Variants in HPGD observed in about 807,000 individuals in gnomAD.
HPGD encodes 15-hydroxyprostaglandin dehydrogenase.
HPGD carries 29 observed loss-of-function variants against 30.0 expected under a neutral mutation model. The ratio of observed to expected loss-of-function variants is 0.97; its 90% CI spans 0.72 to 1.32. The LOEUF (loss-of-function observed/expected upper bound fraction) is 1.32, where lower values mean the gene tolerates loss of function less well. Ranked by LOEUF, HPGD falls within the 40% of genes most tolerant of loss-of-function variation. The pLI, the probability that HPGD is intolerant of heterozygous loss-of-function variation, is 0.00. For synonymous variants in HPGD, 99 were observed against 112.4 expected, an observed-to-expected ratio of 0.88 and a Z score of 0.75; for missense variants, 340 against 322.1, an observed-to-expected ratio of 1.06 and a Z score of -0.43.
In HPGD at chr4:174,492,168, G is replaced by T; in HGVS notation, c.663-74C>A. 7.2e-7 allele frequency: 1 copy of T among 1,382,318 alleles called. No homozygotes were observed. The highest frequency in any genetic ancestry group is 1.0e-6 in the Non-Finnish European group (1 of 978,430). The allele number at this position is 1,382,318 out of a possible 1,614,324, so 85.6% of individuals were successfully genotyped here. A position where few individuals can be genotyped will look rare whatever the true frequency, so the allele number is the denominator to read the frequency against. ...ACCACTTCATTTTAAGTTATTTTCT[G>T]AAGAATCTATTAAGTTGAACATGTT... On this transcript the variant is annotated intron_variant, in intron 6 of 6. Transcript: ENST00000296522. This position sits in a 1 kb window ranked among gnomAD's most constrained non-coding sequence, Gnocchi z 4.9.
In HPGD at chr4:174,494,690, C is replaced by G. The variant is rs1331295076; in HGVS notation, c.498+858G>C. On this transcript the variant is annotated intron_variant, in intron 5 of 6. Coordinates refer to ENST00000296522, the MANE Select transcript of HPGD (RefSeq NM_000860.6). The surrounding 1 kb of genome is among the most constrained non-coding windows in gnomAD (Gnocchi z 4.9). ...TACTAATATTTTTCTCTTCATCTCT[C>G]TAGCTGCTCTCTTTGTCTCACCTAG... Among the ~76,000 whole-genome samples, 1 of 152,224 alleles carries G rather than the reference C, an allele frequency of 6.6e-6. No homozygotes were observed. The highest frequency in any genetic ancestry group is 1.5e-5 in the Non-Finnish European group (1 of 68,036).
At chr4:174,495,336 A>G in intron 5 of HPGD, 1 of 582,340 alleles carries the variant, frequency 1.7e-6, no homozygotes, top group Non-Finnish European at 3.1e-6. Flanking sequence ...TTTAAATAAC[A>G]CATCTGTATT....
chr4:174,496,797 C>T lies in HPGD; in HGVS notation c.422-1173G>A, dbSNP rs1734618061. On this transcript the variant is annotated intron_variant, in intron 4 of 6. Transcript: ENST00000296522. This position sits in a 1 kb window ranked among gnomAD's most constrained non-coding sequence, Gnocchi z 4.6. The stretch of plus-strand genomic sequence containing the variant: ...TTCAGCAATAAATGCAGACCATAAC[C>T]ACTCCCTGGGTGCCTGCCAGGTTTC... Among the ~76,000 whole-genome samples, 1 of 152,156 alleles carries T rather than the reference C, an allele frequency of 6.6e-6. No individual in the cohort carries two copies.
At chr4:174,517,025 A>C (rs772962002) in intron 3 of HPGD, among the ~76,000 whole-genome samples, 4 of 152,192 alleles carry the variant, frequency 2.6e-5, no homozygotes, top group Non-Finnish European at 5.9e-5. Context: ...CACAGTGGCC[A>C]AATTGTACTC....
At chr4:174,520,603 G>T (rs1736053950) in intron 2 of HPGD, among the ~76,000 whole-genome samples, 2 of 152,058 alleles carry the variant, frequency 1.3e-5, no homozygotes, top group African/African-American at 2.4e-5. Flanking sequence ...TATCCTTAAG[G>T]AATGAGTTTA....
chr4:174,520,377 G>A (rs1025020332), intron 2 of HPGD, among the ~76,000 whole-genome samples: 6 of 152,158 alleles, frequency 3.9e-5, no homozygotes, highest in African/African-American at 1.4e-4. Flanking sequence ...TTATCTCCAA[G>A]AAACTTTTCA....
chr4:174,522,588 A>T, upstream of HPGD: 2 of 577,920 alleles, frequency 3.5e-6, no homozygotes, highest in Non-Finnish European at 5.7e-6. Context: ...GAAACTGTCA[A>T]GCCAGCGCCC....
intron 4 of HPGD, among the ~76,000 whole-genome samples, chr4:174,504,770 G>A (rs1281756902): frequency 2.6e-5 from 4 of 152,020 alleles, no homozygotes; most frequent in East Asian, 3.9e-4. Context: ...CCGAGATCGC[G>A]CCATTGCACT....
intron 3 of HPGD, among the ~76,000 whole-genome samples, chr4:174,517,677 C>T (rs1315531614): frequency 6.6e-6 from 1 of 152,076 alleles, no homozygotes; most frequent in Non-Finnish European, 1.5e-5. Context: ...CAGGTCATAC[C>T]AAAAGAGTTG....
intron 2 of HPGD, among the ~76,000 whole-genome samples, chr4:174,519,669 C>A (rs1735980005): frequency 6.6e-6 from 1 of 152,142 alleles, no homozygotes; most frequent in African/African-American, 2.4e-5. Flanking sequence ...TCAAAAAGCT[C>A]CACCACTGAG....
intron 3 of HPGD, among the ~76,000 whole-genome samples, chr4:174,515,085 T>C (rs1735703597): frequency 6.6e-6 from 1 of 152,106 alleles, no homozygotes. Context: ...AAAATGGCCA[T>C]ACTGCTCAAA....
rs376494010 is a variant in HPGD, at chr4:174,491,897, T to C, written c.*59A>G. The C allele has an allele frequency of 2.2e-5, 31 of 1,405,086 alleles. No homozygotes were observed. The East Asian group carries it at 2.5e-4, about 11-fold the overall frequency. 87.0% of individuals were successfully genotyped at this position (1,405,086 alleles called of 1,614,324 possible). ...TTTAAAAGCTATATTCAAATGAAGATAGGATCTGAATATAAGCTATTTGTG... is the reference window on the plus strand; with the variant it reads ...TTTAAAAGCTATATTCAAATGAAGACAGGATCTGAATATAAGCTATTTGTG... On this transcript the variant is annotated 3_prime_UTR_variant, in exon 7 of 7. Transcript: ENST00000296522.
chr4:174,509,051 T>G (rs913273678), intron 3 of HPGD, among the ~76,000 whole-genome samples: 2 of 152,234 alleles, frequency 1.3e-5, no homozygotes, highest in Non-Finnish European at 1.5e-5. Context: ...TGCTACAGGT[T>G]GTATTCCAAA....
Position 174,521,992 on chromosome 4 carries a change from T to TC in HPGD, c.168dup (p.Lys57GlufsTer11). On this transcript the variant is annotated frameshift_variant, in exon 2 of 7. Transcript: ENST00000296522. LOFTEE classifies it high-confidence loss of function. Reference sequence around the variant, plus strand: ...ACATCGCACTGGATGAACAGAGTCTTCTGAGGTTCAAACTGCTCATCCAGG... The same window carrying TC: ...ACATCGCACTGGATGAACAGAGTCTTCCTGAGGTTCAAACTGCTCATCCAGG... 6.2e-7 allele frequency: 1 copy of TC among 1,614,178 alleles called. No homozygotes were observed. The highest frequency in any genetic ancestry group is 8.5e-7 in the Non-Finnish European group (1 of 1,180,008).
intron 4 of HPGD, among the ~76,000 whole-genome samples, chr4:174,505,026 T>G (rs1735118062): frequency 6.6e-6 from 1 of 152,218 alleles, no homozygotes; most frequent in African/African-American, 2.4e-5. Flanking sequence ...AAAACTCGTG[T>G]AGAAAAGTCC....
intron 3 of HPGD, among the ~76,000 whole-genome samples, chr4:174,516,590 C>T (rs902990858): frequency 6.6e-6 from 1 of 152,002 alleles, no homozygotes. Context: ...CAGTGACACA[C>T]GATTTACTCA....
rs1010061810 is a variant in HPGD at position 174,492,759 on chromosome 4, T to C, written c.662+392A>G. ...TCAGACATAATTCACTGAGAAAGTA[T>C]GTGTCCATGTATGTGTGTGTATCAA... On this transcript the variant is annotated intron_variant, in intron 6 of 6. Transcript: ENST00000296522. This position sits in a 1 kb window ranked among gnomAD's most constrained non-coding sequence, Gnocchi z 4.9. 4.6e-5 allele frequency among the ~76,000 whole-genome samples: 7 copies of C among 152,082 alleles called. No homozygotes were observed. The highest frequency in any genetic ancestry group is 1.7e-4 in the African/African-American group (7 of 41,426).
At chr4:174,501,924 C>A (rs1734921093) in intron 4 of HPGD, among the ~76,000 whole-genome samples, 1 of 152,064 alleles carries the variant, frequency 6.6e-6, no homozygotes, top group African/African-American at 2.4e-5. Context: ...AAAACAGAAA[C>A]CTCCTCAGAC....
In HPGD at chr4:174,522,468, G is replaced by C. The variant is rs1329847820; in HGVS notation, c.-17C>G. 3.2e-6 allele frequency: 5 copies of C among 1,541,660 alleles called. No individual in the cohort carries two copies. The South Asian group carries it at 3.5e-5, about 11-fold the overall frequency. On this transcript the variant is annotated 5_prime_UTR_variant, in exon 1 of 7. Coordinates refer to ENST00000296522, the MANE Select transcript of HPGD (RefSeq NM_000860.6). ...CACGTGCATGGTGCAGCCACTGCTG[G>C]GGCGGGCGGTGGGCGAGCTCCGCGT...
Sources: gnomAD v4.1 joint callset for allele counts (sites outside exome capture counted in the v4.1 genomes callset) on GRCh38, gnomAD v4.1.1 for gene constraint, Gnocchi (gnomAD v3.1) non-coding constraint, MANE v1.5 for transcripts, NCBI Gene and HGNC (gene_info 2026-07-23, HGNC 2026-07-21) for gene names.